The following UNC13C variants were observed in gnomAD, a reference collection of about 807,000 sequenced individuals.
UNC13C encodes unc-13 homolog C, also known as protein unc-13 homolog C.
Under a neutral mutation model 245.4 loss-of-function variants are expected in UNC13C, and 174 were observed. The observed-to-expected ratio is 0.71, with a 90% CI of 0.63 to 0.80. The LOEUF is 0.80. Among genes scored for constraint, UNC13C ranks in the 30% least tolerant of loss-of-function variants. The pLI is 0.00. For synonymous variants in UNC13C, 992 were observed against 895.1 expected (o/e 1.11, Z -1.93); for missense variants, 2,829 against 2,602.9 (o/e 1.09, Z -1.89).
chr15:54,295,159 G>T (rs62011998), intron 11 of UNC13C, among the ~76,000 whole-genome samples: 1 of 151,916 alleles, frequency 6.6e-6, no homozygotes, highest in East Asian at 1.9e-4. Flanking sequence ...AAATGACTTC[G>T]TATATGAAAA....
chr15:54,014,937 T>C lies in UNC13C; in HGVS notation c.2034T>C (p.Tyr678=), dbSNP rs80087329. 1.5e-4 allele frequency: 239 copies of C among 1,613,908 alleles called. 1 individual carries two copies. The East Asian group carries it at 4.0e-3, about 27-fold the overall frequency. Residue 678 remains tyrosine (Y), a synonymous_variant, in exon 2 of 33, where the codon TAT becomes TAC. Coordinates refer to ENST00000260323, the MANE Select transcript of UNC13C (RefSeq NM_001080534.3). ...LDSSTQEGFD[Y]ETNSLFDQQL... The stretch of plus-strand genomic sequence containing the variant: ...CATCCACCCAGGAAGGTTTTGATTA[T>C]GAAACAAACAGTCTTTTTGACCAAC...
intron 10 of UNC13C, among the ~76,000 whole-genome samples, chr15:54,274,988 T>C (rs2036794841): frequency 6.6e-6 from 1 of 152,000 alleles, no homozygotes; most frequent in Non-Finnish European, 1.5e-5. Context: ...CAAATTTTAA[T>C]ATCAAAAATG....
intron 10 of UNC13C, among the ~76,000 whole-genome samples, chr15:54,268,691 G>T (rs570396613): frequency 6.6e-6 from 1 of 152,142 alleles, no homozygotes; most frequent in South Asian, 2.1e-4. Flanking sequence ...TATAATGAAG[G>T]CAAGACTCTT....
rs750790912 is a variant in UNC13C at position 54,265,513 on chromosome 15, A to G, written c.3818+17A>G. On this transcript the variant is annotated intron_variant, in intron 10 of 32. Coordinates refer to ENST00000260323, the MANE Select transcript of UNC13C (RefSeq NM_001080534.3). ...GTTTTATTTGTGAGTATATAATGTG[A>G]AACCTTTACAAATATTAAATTATTT... The G allele has an allele frequency of 1.9e-5, 28 of 1,458,704 alleles. No individual in the cohort carries two copies. In the South Asian group the frequency reaches 3.8e-4, roughly 20 times the overall value. 90.4% of individuals were successfully genotyped at this position (1,458,704 alleles called of 1,614,324 possible). A position where few individuals can be genotyped will look rare whatever the true frequency, so the allele number is the denominator to read the frequency against.
intron 19 of UNC13C, among the ~76,000 whole-genome samples, chr15:54,422,728 G>A (rs1255347742): frequency 2.0e-5 from 3 of 151,476 alleles, no homozygotes; most frequent in African/African-American, 7.3e-5. Flanking sequence ...GGTCACCTTC[G>A]TTCACAACCC....
At chr15:54,561,161 T>C (rs1897283000) in intron 29 of UNC13C, among the ~76,000 whole-genome samples, 1 of 151,984 alleles carries the variant, frequency 6.6e-6, no homozygotes, top group Non-Finnish European at 1.5e-5. Flanking sequence ...TTTTTCCCTA[T>C]AAGAGCACAG....
chr15:54,055,513 G>T (rs531161403), intron 2 of UNC13C, among the ~76,000 whole-genome samples: 2 of 152,088 alleles, frequency 1.3e-5, no homozygotes, highest in Non-Finnish European at 2.9e-5. Context: ...GATTTATTTA[G>T]CCCCTCCAGC....
intron 19 of UNC13C, among the ~76,000 whole-genome samples, chr15:54,456,498 A>G (rs1379128074): frequency 6.6e-6 from 1 of 151,584 alleles, no homozygotes; most frequent in Non-Finnish European, 1.5e-5. Context: ...GATATGTTTC[A>G]ATTTGTTTGT....
At chr15:54,028,229 T>G (rs921485045) in intron 2 of UNC13C, among the ~76,000 whole-genome samples, 3 of 152,172 alleles carry the variant, frequency 2.0e-5, no homozygotes, top group African/African-American at 7.2e-5. Context: ...ATTTTCTCCT[T>G]TTATTAGCAA....
intron 2 of UNC13C, among the ~76,000 whole-genome samples, chr15:54,126,063 A>C (rs1208143516): frequency 1.3e-5 from 2 of 152,210 alleles, no homozygotes; most frequent in African/African-American, 4.8e-5. Flanking sequence ...AGAAAAAAGA[A>C]AATACAGAAA....
intron 30 of UNC13C, 81 bp from the exon 31 acceptor site, chr15:54,622,246 A>T: frequency 2.2e-6 from 2 of 915,634 alleles, no homozygotes; most frequent in Non-Finnish European, 3.7e-6. Context: ...AATACATTTT[A>T]TGTTTTTTAT....
intron 10 of UNC13C, among the ~76,000 whole-genome samples, chr15:54,270,287 C>T (rs1168052399): frequency 6.6e-6 from 1 of 152,162 alleles, no homozygotes; most frequent in Non-Finnish European, 1.5e-5. Context: ...ATGAACTCAT[C>T]CATACCTTCC....
At chr15:54,145,913 C>T (rs1221608309) in intron 4 of UNC13C, among the ~76,000 whole-genome samples, 1 of 152,198 alleles carries the variant, frequency 6.6e-6, no homozygotes. Flanking sequence ...AATAGTTCCT[C>T]TTTGCATTTC....
intron 19 of UNC13C, among the ~76,000 whole-genome samples, chr15:54,459,262 G>A (rs185240834): frequency 8.6e-4 from 131 of 152,256 alleles, no homozygotes; most frequent in African/African-American, 2.9e-3. Context: ...GAAATATACC[G>A]TTAATCTGAA....
intron 4 of UNC13C, among the ~76,000 whole-genome samples, chr15:54,228,644 T>G (rs576302535): frequency 1.3e-5 from 2 of 152,286 alleles, no homozygotes; most frequent in African/African-American, 4.8e-5. Context: ...TGCCTAGAAC[T>G]GTTGTCTAAG....
At chr15:54,387,817 A>G (rs1380860626) in intron 17 of UNC13C, among the ~76,000 whole-genome samples, 1 of 152,152 alleles carries the variant, frequency 6.6e-6, no homozygotes, top group East Asian at 1.9e-4. Flanking sequence ...GCTTACATCT[A>G]TCTTGCTTTC....
chr15:53,963,004 C>T, the UNC13C span, among the ~76,000 whole-genome samples: 8 of 152,146 alleles, frequency 5.3e-5, no homozygotes, highest in Admixed American at 6.6e-5. Context: ...GTAGCTTTCT[C>T]GACTGCATGA....
chr15:53,931,881 A>G, the UNC13C span, among the ~76,000 whole-genome samples: 5 of 152,170 alleles, frequency 3.3e-5, no homozygotes, highest in African/African-American at 4.8e-5. Context: ...GTAGGCATGA[A>G]ATCATTTACC....
chr15:54,570,600 C>T (rs1897710803), intron 30 of UNC13C, among the ~76,000 whole-genome samples: 1 of 152,130 alleles, frequency 6.6e-6, no homozygotes, highest in Non-Finnish European at 1.5e-5. Context: ...CATTCCCTCT[C>T]TTTTTTTGAT....
Sources: gnomAD v4.1 joint callset for allele counts (sites outside exome capture counted in the v4.1 genomes callset) on GRCh38, gnomAD v4.1.1 for gene constraint, MANE v1.5 for transcripts, NCBI Gene and HGNC (gene_info 2026-07-23, HGNC 2026-07-21) for gene names.